TRPC6: variants seen among roughly 807,000 people sequenced by gnomAD.
TRPC6 encodes transient receptor potential cation channel subfamily C member 6, also known as short transient receptor potential channel 6.
In TRPC6, 55 loss-of-function variants were observed where a neutral mutation model predicts 90.7. The observed-to-expected ratio is 0.61, with a 90% CI of 0.49 to 0.76. The LOEUF is 0.76. TRPC6 is among the 30% of genes least tolerant of loss of function. TRPC6 has a pLI of 0.00. For synonymous variants in TRPC6, 393 were observed against 393.0 expected, an observed-to-expected ratio of 1.00 and a Z score of 0.00; for missense variants, 989 against 1,122.7, an observed-to-expected ratio of 0.88 and a Z score of 1.70.
chr11:101,542,840 A>C (rs12361104), intron 1 of TRPC6, among the ~76,000 whole-genome samples: 11,159 of 152,108 alleles, frequency 0.073, 557 homozygotes, highest in Non-Finnish European at 0.11. Context: ...AAGAGGAAAA[A>C]CCTTAAGAAA....
chr11:101,545,169 C>T (rs1411845130), intron 1 of TRPC6, among the ~76,000 whole-genome samples: 1 of 151,910 alleles, frequency 6.6e-6, no homozygotes, highest in Non-Finnish European at 1.5e-5. Flanking sequence ...GGATCCTACA[C>T]CCACTGATTC....
At chr11:101,580,986 T>G (rs1862185121) in intron 1 of TRPC6, among the ~76,000 whole-genome samples, 1 of 152,218 alleles carries the variant, frequency 6.6e-6, no homozygotes, top group Non-Finnish European at 1.5e-5. Flanking sequence ...TAGTTGATTA[T>G]TCAACTAGAA....
intron 10 of TRPC6, among the ~76,000 whole-genome samples, chr11:101,461,700 C>T (rs542926346): frequency 3.3e-5 from 5 of 152,298 alleles, no homozygotes; most frequent in African/African-American, 1.2e-4. Flanking sequence ...TACATTCACG[C>T]ATTCTTTCTT....
chr11:101,583,121 G>A, intron 1 of TRPC6: 1 of 973,040 alleles, frequency 1.0e-6, no homozygotes. Flanking sequence ...TACCTACGAG[G>A]AGCAAACCTA....
chr11:101,577,036 C>A (rs1862085158), intron 1 of TRPC6, among the ~76,000 whole-genome samples: 1 of 152,090 alleles, frequency 6.6e-6, no homozygotes, highest in Non-Finnish European at 1.5e-5. Context: ...AGCTATGAGA[C>A]CCACCATTAA....
At chr11:101,545,242 T>C (rs1015001506) in intron 1 of TRPC6, among the ~76,000 whole-genome samples, 18 of 152,134 alleles carry the variant, frequency 1.2e-4, no homozygotes, top group African/African-American at 3.9e-4. Flanking sequence ...AATTAAAATA[T>C]GGTAAATAAG....
chr11:101,504,255 G>T lies in TRPC6; in HGVS notation c.714C>A (p.Leu238=). 4 of 1,614,036 alleles carry T rather than the reference G, an allele frequency of 2.5e-6. No individual in the cohort carries two copies. The highest frequency in any genetic ancestry group is 3.4e-6 in the Non-Finnish European group (4 of 1,179,912). The change falls in exon 2 of 13, where the codon CTC becomes CTA. Residue 238 remains leucine, a synonymous_variant. Transcript: ENST00000344327. ...GTTCAATCCTAGCACCCTTCCGCAG[G>T]AGGGTATGCACAATTTCATATTCCT... ...HCQEYEIVHT[L]LRKGARIERP... is the part of the protein sequence containing the mutation.
chr11:101,478,043 T>C (rs1304623440), intron 5 of TRPC6, among the ~76,000 whole-genome samples: 1 of 152,070 alleles, frequency 6.6e-6, no homozygotes, highest in African/African-American at 2.4e-5. Flanking sequence ...GAGTTGAAAA[T>C]AATCTTCTCC....
At chr11:101,496,410 T>C (rs1421191812) in intron 2 of TRPC6, among the ~76,000 whole-genome samples, 2 of 152,170 alleles carry the variant, frequency 1.3e-5, no homozygotes, top group East Asian at 1.9e-4. Context: ...TGGAGCTCTA[T>C]GGTGATGATT....
In TRPC6 at chr11:101,476,332, T is replaced by C; in HGVS notation, c.1713A>G (p.Thr571=). Residue 571 remains threonine, a synonymous_variant, in exon 6 of 13, where the codon ACA becomes ACG. Transcript: ENST00000344327. The part of the protein sequence containing the change: ...NDTLKDLTKV[T]LGDNVKYYNL... Reference sequence around the variant, plus strand: ...TGTAGTATTTCACATTGTCTCCCAATGTTACTTTCGTCAAGTCCTTCAAAG... The same window carrying C: ...TGTAGTATTTCACATTGTCTCCCAACGTTACTTTCGTCAAGTCCTTCAAAG... The C allele has an allele frequency of 1.2e-6, 2 of 1,614,162 alleles. No individual in the cohort carries two copies. Among genetic ancestry groups the C allele is most frequent in the East Asian group, 2.2e-5 (1 of 44,884 alleles).
chr11:101,456,902 A>G (rs1200623662), intron 10 of TRPC6, among the ~76,000 whole-genome samples: 1 of 152,204 alleles, frequency 6.6e-6, no homozygotes, highest in East Asian at 1.9e-4. Context: ...AGTTTCTAAT[A>G]CATCATAGAA....
intron 1 of TRPC6, among the ~76,000 whole-genome samples, chr11:101,535,081 G>C (rs1481874170): frequency 6.6e-6 from 1 of 151,968 alleles, no homozygotes; most frequent in African/African-American, 2.4e-5. Context: ...ATCAAGAATC[G>C]CTTAAACCTG....
chr11:101,551,999 T>C (rs1861460356), intron 1 of TRPC6, among the ~76,000 whole-genome samples: 1 of 152,072 alleles, frequency 6.6e-6, no homozygotes, highest in East Asian at 1.9e-4. Flanking sequence ...CTAGCTCCTG[T>C]TATTGCTATG....
Position 101,504,062 on chromosome 11 carries a change from C to A in TRPC6, c.907G>T (p.Glu303Ter), listed in dbSNP as rs1860194824. The part of the protein sequence containing the change: ...PVMTALELSN[E>*]LAVLANIEKE... ...TCAATATTGGCCAGAACTGCCAGTTCATTGCTAAGTTCTAAAGCCGTCATG... is the reference window on the plus strand; with the variant it reads ...TCAATATTGGCCAGAACTGCCAGTTAATTGCTAAGTTCTAAAGCCGTCATG... Residue 303 changes from glutamate (E) to a stop codon, truncating the protein, a stop_gained, in exon 2 of 13, where the codon GAA (glutamate) becomes TAA (stop). Coordinates refer to ENST00000344327, the MANE Select transcript of TRPC6 (RefSeq NM_004621.6). LOFTEE classifies it high-confidence loss of function. 6.2e-7 allele frequency: 1 copy of A among 1,614,042 alleles called. No individual in the cohort carries two copies. Among genetic ancestry groups the A allele is most frequent in the South Asian group, 1.1e-5 (1 of 91,074 alleles).
At chr11:101,534,733 A>AT (rs1380018539) in intron 1 of TRPC6, among the ~76,000 whole-genome samples, 1 of 152,248 alleles carries the variant, frequency 6.6e-6, no homozygotes, top group Non-Finnish European at 1.5e-5. Flanking sequence ...TCTTTTTAAC[A>AT]TAACTACTTC....
intron 1 of TRPC6, among the ~76,000 whole-genome samples, chr11:101,581,120 A>G (rs902363968): frequency 5.3e-5 from 8 of 152,252 alleles, no homozygotes; most frequent in Admixed American, 2.0e-4. Flanking sequence ...CATGTATTAT[A>G]GTACCTCTGA....
intron 1 of TRPC6, among the ~76,000 whole-genome samples, chr11:101,546,262 C>CG (rs1861305555): frequency 9.0e-6 from 1 of 111,646 alleles, no homozygotes; most frequent in Non-Finnish European, 1.9e-5. Context: ...TTAGTAGAGA[C>CG]GGGGTTTCAC....
At chr11:101,574,520 C>T (rs546152110) in intron 1 of TRPC6, among the ~76,000 whole-genome samples, 1 of 151,152 alleles carries the variant, frequency 6.6e-6, no homozygotes, top group East Asian at 1.9e-4. Context: ...CCTAACATAC[C>T]AAAGGAACTT....
At chr11:101,576,965 A>G (rs1333366794) in intron 1 of TRPC6, among the ~76,000 whole-genome samples, 2 of 152,172 alleles carry the variant, frequency 1.3e-5, no homozygotes, top group African/African-American at 4.8e-5. Flanking sequence ...ACTTCAAGCC[A>G]GGGGAGGTTT....
Sources: gnomAD v4.1 joint callset for allele counts (sites outside exome capture counted in the v4.1 genomes callset) on GRCh38, gnomAD v4.1.1 for gene constraint, MANE v1.5 for transcripts, NCBI Gene and HGNC (gene_info 2026-07-23, HGNC 2026-07-21) for gene names.